Variants in KIAA0232 observed in about 807,000 individuals in gnomAD.
KIAA0232 encodes the protein uncharacterized protein KIAA0232.
In KIAA0232, 27 loss-of-function variants were observed where a neutral mutation model predicts 122.0. The observed-to-expected ratio is 0.22, with a 90% CI of 0.16 to 0.31. KIAA0232 has a LOEUF of 0.31. Ranked by LOEUF, KIAA0232 falls within the 10% of genes least tolerant of loss-of-function variation. KIAA0232 has a pLI of 1.00. For synonymous variants in KIAA0232, 613 were observed against 587.6 expected, an observed-to-expected ratio of 1.04 and a Z score of -0.63; for missense variants, 1,551 against 1,634.2, an observed-to-expected ratio of 0.95 and a Z score of 0.88.
Position 6,862,908 on chromosome 4 carries a change from A to T in KIAA0232, c.2526A>T (p.Glu842Asp). Residue 842 changes from glutamate to aspartate, a missense_variant, in exon 7 of 10, where the codon GAA becomes GAT. Glu to Asp is a conservative substitution (Grantham distance 45). Around this residue, in one of 5 missense-constraint regions of KIAA0232, gnomAD observed 1,108 missense variants for 1,154.8 expected, o/e 0.96. Coordinates refer to ENST00000307659, the MANE Select transcript of KIAA0232 (RefSeq NM_014743.3). The part of the protein sequence containing the change: ...MADTNSVATV[E>D]IERTDAELFS... ...ACACAAATTCTGTGGCTACAGTAGA[A>T]ATAGAAAGAACTGATGCTGAGTTGT... 1.2e-6 allele frequency: 2 copies of T among 1,614,242 alleles called. No individual in the cohort carries two copies. Among genetic ancestry groups the T allele is most frequent in the Non-Finnish European group, 1.7e-6 (2 of 1,180,046 alleles).
intron 2 of KIAA0232, among the ~76,000 whole-genome samples, chr4:6,813,556 G>A (rs562309006): frequency 4.9e-4 from 74 of 151,964 alleles, no homozygotes; most frequent in African/African-American, 1.6e-3. Flanking sequence ...TAGAGATGGG[G>A]TTTCACCGTG....
At chr4:6,832,352 T>C (rs75741721) in intron 3 of KIAA0232, among the ~76,000 whole-genome samples, 1 of 146,628 alleles carries the variant, frequency 6.8e-6, no homozygotes, top group African/African-American at 2.5e-5. Flanking sequence ...GTTGGGGCCT[T>C]TTTTTTTTTT....
At chr4:6,815,634 GCATA>G in intron 2 of KIAA0232, among the ~76,000 whole-genome samples, 1 of 152,190 alleles carries the variant, frequency 6.6e-6, no homozygotes, top group Admixed American at 6.5e-5. Context: ...GAAAAGTACT[GCATA>G]GATGAATGTA....
In KIAA0232 at chr4:6,788,141, C is replaced by T. The variant is rs900650859; in HGVS notation, c.-354+5300C>T. On this transcript the variant is annotated intron_variant, in intron 1 of 9. Transcript: ENST00000307659. ...GCAACTTCCACCTCCCTTCCTCCTG[C>T]TGCCTTGGCCTCCTGAGTAGCTGGG... Among the ~76,000 whole-genome samples the T allele has an allele frequency of 4.6e-5, 7 of 152,306 alleles. 1 individual carries two copies. The South Asian group carries it at 1.0e-3, about 23-fold the overall frequency.
intron 2 of KIAA0232, among the ~76,000 whole-genome samples, chr4:6,807,046 C>G (rs1000307953): frequency 8.0e-5 from 12 of 149,904 alleles, no homozygotes; most frequent in African/African-American, 3.0e-4. Context: ...ATCTATCTAT[C>G]TATCTATCTA....
At chr4:6,831,954 G>C (rs979146538) in intron 3 of KIAA0232, among the ~76,000 whole-genome samples, 1 of 152,192 alleles carries the variant, frequency 6.6e-6, no homozygotes, top group African/African-American at 2.4e-5. Context: ...AGTGCCCTAT[G>C]CCCACACCTA....
intron 1 of KIAA0232, among the ~76,000 whole-genome samples, chr4:6,787,860 A>G (rs539560311): frequency 1.2e-4 from 18 of 152,322 alleles, no homozygotes; most frequent in Admixed American, 1.0e-3. Context: ...CCTGAGGGAT[A>G]CGACAGTTTT....
intron 2 of KIAA0232, among the ~76,000 whole-genome samples, chr4:6,816,437 C>T (rs1718131514): frequency 6.6e-6 from 1 of 152,060 alleles, no homozygotes; most frequent in Non-Finnish European, 1.5e-5. Flanking sequence ...CGCCTGCCAC[C>T]ACGCCTGGCT....
intron 9 of KIAA0232, among the ~76,000 whole-genome samples, chr4:6,877,394 A>G (rs953277105): frequency 1.2e-4 from 18 of 152,232 alleles, no homozygotes; most frequent in Admixed American, 4.6e-4. Context: ...CAGGCAGGCA[A>G]ATGAACCTAA....
intron 3 of KIAA0232, among the ~76,000 whole-genome samples, chr4:6,837,362 C>T (rs956332071): frequency 2.7e-5 from 4 of 147,948 alleles, no homozygotes; most frequent in African/African-American, 1.0e-4. Context: ...GATGGGCGGC[C>T]GGGCAGAGAG....
chr4:6,850,416 C>T (rs769572156), intron 4 of KIAA0232, among the ~76,000 whole-genome samples: 1 of 152,146 alleles, frequency 6.6e-6, no homozygotes, highest in Admixed American at 6.6e-5. Flanking sequence ...TGAAGGTGTA[C>T]ACAAATACAG....
intron 1 of KIAA0232, among the ~76,000 whole-genome samples, chr4:6,800,969 T>G (rs1717361022): frequency 6.6e-6 from 1 of 152,224 alleles, no homozygotes; most frequent in Admixed American, 6.5e-5. Flanking sequence ...GTAGTGGGAA[T>G]ACAAATATAA....
At chr4:6,872,288 T>C (rs2108833736) in intron 8 of KIAA0232, among the ~76,000 whole-genome samples, 1 of 152,292 alleles carries the variant, frequency 6.6e-6, no homozygotes, top group East Asian at 1.9e-4. Flanking sequence ...TTGGGAGGCA[T>C]ACGCTAAAGG....
intron 3 of KIAA0232, among the ~76,000 whole-genome samples, chr4:6,828,233 A>T (rs1718797638): frequency 6.6e-6 from 1 of 152,106 alleles, no homozygotes; most frequent in Admixed American, 6.6e-5. Flanking sequence ...AATTATCTGG[A>T]TGCAGTGGGG....
intron 1 of KIAA0232, 77 bp downstream of exon 1, chr4:6,782,918 A>C (rs1446855805): frequency 6.6e-6 from 1 of 150,642 alleles, no homozygotes; most frequent in South Asian, 2.1e-4. Flanking sequence ...GGGAGGCCGG[A>C]CGCTCGCCGC....
rs192488319 is a variant in KIAA0232 at position 6,880,743 on chromosome 4, A to G, written c.4009-44A>G. On this transcript the variant is annotated intron_variant, in intron 9 of 9. Coordinates refer to ENST00000307659, the MANE Select transcript of KIAA0232 (RefSeq NM_014743.3). ...GATAGAGTATCTCACCCTTTTGGGG[A>G]AAAAAAAGTCTTTTTGATGTGTTGA... is the stretch of plus-strand genomic sequence containing the variant. 1.8e-4 allele frequency: 242 copies of G among 1,368,418 alleles called. 2 individuals are homozygous for G. The East Asian group carries it at 2.9e-3, about 17-fold the overall frequency. The allele number at this position is 1,368,418 out of a possible 1,614,324, so 84.8% of individuals were successfully genotyped here.
Position 6,861,977 on chromosome 4 carries a change from G to A in KIAA0232, c.1595G>A (p.Arg532Gln), listed in dbSNP as rs1720894342. The stretch of plus-strand genomic sequence containing the variant: ...TCAGAAACAATGCAAGGAGAAAGTC[G>A]GATTTTGAATATGATTCGACAGAAA... ...GASETMQGES[R>Q]ILNMIRQKSK... is the part of the protein sequence containing the mutation. Residue 532 changes from arginine (R) to glutamine (Q), a missense_variant, in exon 7 of 10, where the codon CGG (arginine) becomes CAG (glutamine). Transcript: ENST00000307659. 4 of 1,614,050 alleles carry A rather than the reference G, an allele frequency of 2.5e-6. No individual in the cohort carries two copies. The highest frequency in any genetic ancestry group is 1.3e-5 in the African/African-American group (1 of 75,004).
chr4:6,847,848 C>G (rs1720049595), intron 4 of KIAA0232, among the ~76,000 whole-genome samples: 2 of 91,730 alleles, frequency 2.2e-5, no homozygotes, highest in East Asian at 5.5e-4. Flanking sequence ...GCAAACCACT[C>G]TTCATTTCCC....
chr4:6,840,637 T>C (rs1056796265), intron 3 of KIAA0232, among the ~76,000 whole-genome samples: 1 of 152,214 alleles, frequency 6.6e-6, no homozygotes, highest in Non-Finnish European at 1.5e-5. Flanking sequence ...CTTTTGGTAC[T>C]TGATAATTAT....
Sources: gnomAD v4.1 joint callset for allele counts (sites outside exome capture counted in the v4.1 genomes callset) on GRCh38, gnomAD v4.1.1 for gene constraint, gnomAD v4.1.1 regional missense constraint, MANE v1.5 for transcripts, NCBI Gene and HGNC (gene_info 2026-07-23, HGNC 2026-07-21) for gene names.